The following GLIS3 variants were observed in gnomAD, a reference collection of about 807,000 sequenced individuals.
GLIS3 encodes zinc finger protein GLIS3.
A neutral mutation model predicts 78.6 loss-of-function variants in GLIS3; 53 were observed. The ratio of observed to expected loss-of-function variants is 0.67; its 90% CI spans 0.54 to 0.85. GLIS3 has a LOEUF of 0.85. GLIS3 is among the 40% of genes least tolerant of loss of function. GLIS3 has a pLI of 0.00. For missense variants in GLIS3, 1,703 were observed against 1,231.1 expected (o/e 1.38, Z -5.74); for synonymous variants, 684 against 509.9 (o/e 1.34, Z -4.60).
rs1456570482 is a variant in GLIS3, at chr9:3,879,487, C to T, written c.2237G>A (p.Ser746Asn). 2 of 1,614,062 alleles carry T rather than the reference C, an allele frequency of 1.2e-6. No homozygotes were observed. Among genetic ancestry groups the T allele is most frequent in the Admixed American group, 1.7e-5 (1 of 60,010 alleles). The stretch of plus-strand genomic sequence containing the variant: ...TAACTGGGAGGAGGGGTTGTGAGGG[C>T]TCCCCTGTACATTATGTCCTGGAGA... ...HPSPGHNVQGSPHNPSSQLPP... is the reference protein window; with the variant it reads ...HPSPGHNVQGNPHNPSSQLPP... The change falls in exon 8 of 11, where the codon AGC becomes AAC. Residue 746 changes from serine to asparagine, a missense_variant. Coordinates refer to ENST00000381971, the MANE Select transcript of GLIS3 (RefSeq NM_001042413.2).
intron 4 of GLIS3, among the ~76,000 whole-genome samples, chr9:3,990,923 C>A (rs1389973029): frequency 6.6e-6 from 1 of 152,104 alleles, no homozygotes; most frequent in African/African-American, 2.4e-5. Context: ...CAGGCCTAAC[C>A]AACCAAGGGG....
At position 4,188,961 on chromosome 9, in the gene GLIS3, T is replaced by C. The variant is rs756784219; in HGVS notation, c.389-63020A>G. Among the ~76,000 whole-genome samples, 118 of 152,198 alleles carry C rather than the reference T, an allele frequency of 7.8e-4. 2 individuals are homozygous for C. The highest frequency in any genetic ancestry group is 6.0e-4 in the Non-Finnish European group (41 of 68,046). ...TCAACAAACCAGCTCCTGGATTCAT[T>C]AATTTTCTGAAGGGTTTTTTGTATC... On this transcript the variant is annotated intron_variant, in intron 2 of 10. Coordinates refer to ENST00000381971, the MANE Select transcript of GLIS3 (RefSeq NM_001042413.2).
chr9:4,242,048 A>G (rs1427497250), intron 2 of GLIS3, among the ~76,000 whole-genome samples: 2 of 152,160 alleles, frequency 1.3e-5, no homozygotes, highest in Non-Finnish European at 2.9e-5. Flanking sequence ...TTAGAATAAA[A>G]TTATGCCATA....
chr9:4,241,764 C>T (rs1318187281), intron 2 of GLIS3, among the ~76,000 whole-genome samples: 3 of 152,146 alleles, frequency 2.0e-5, no homozygotes, highest in Non-Finnish European at 2.9e-5. Flanking sequence ...CTCACTGCAA[C>T]CCCTGCCTCC....
chr9:4,051,074 T>C (rs949256889), intron 4 of GLIS3, among the ~76,000 whole-genome samples: 4 of 152,218 alleles, frequency 2.6e-5, no homozygotes, highest in Admixed American at 6.5e-5. Flanking sequence ...AAAGCATCCA[T>C]TGATAAGCTC....
intron 9 of GLIS3, among the ~76,000 whole-genome samples, chr9:3,833,354 T>C (rs1164355409): frequency 6.6e-6 from 1 of 152,198 alleles, no homozygotes; most frequent in Non-Finnish European, 1.5e-5. Context: ...ACCAACACTT[T>C]TTAAAAAATT....
intron 2 of GLIS3, among the ~76,000 whole-genome samples, chr9:4,140,749 T>C (rs1395558830): frequency 1.3e-5 from 2 of 151,946 alleles, no homozygotes; most frequent in African/African-American, 4.8e-5. Context: ...TGCTCCTTCG[T>C]CTCAAGAGAG....
At chr9:4,156,952 C>T (rs546823166) in intron 2 of GLIS3, among the ~76,000 whole-genome samples, 1 of 152,160 alleles carries the variant, frequency 6.6e-6, no homozygotes, top group Admixed American at 6.6e-5. Flanking sequence ...CCATATCTAC[C>T]GAATCAGAAA....
intron 9 of GLIS3, among the ~76,000 whole-genome samples, chr9:3,836,980 T>G (rs961160533): frequency 1.3e-5 from 2 of 152,166 alleles, no homozygotes; most frequent in Non-Finnish European, 2.9e-5. Context: ...AATGTGCAAG[T>G]CTAGAAGTTC....
intron 4 of GLIS3, among the ~76,000 whole-genome samples, chr9:3,973,299 A>G (rs1818526418): frequency 6.6e-6 from 1 of 152,092 alleles, no homozygotes; most frequent in Non-Finnish European, 1.5e-5. Flanking sequence ...GCTCCATTGC[A>G]TCATTGATTA....
At chr9:3,848,807 C>A (rs950543707) in intron 9 of GLIS3, among the ~76,000 whole-genome samples, 2 of 152,188 alleles carry the variant, frequency 1.3e-5, no homozygotes, top group Non-Finnish European at 2.9e-5. Context: ...GGCTGGAAAC[C>A]CTTTGTTTCT....
intron 4 of GLIS3, among the ~76,000 whole-genome samples, chr9:4,015,757 C>T (rs901493712): frequency 6.6e-6 from 1 of 151,826 alleles, no homozygotes; most frequent in Non-Finnish European, 1.5e-5. Context: ...AGAGTGGTGG[C>T]GGGCGCCTGT....
intron 4 of GLIS3, among the ~76,000 whole-genome samples, chr9:4,116,810 T>C (rs1037110078): frequency 1.3e-5 from 2 of 152,226 alleles, no homozygotes; most frequent in Non-Finnish European, 2.9e-5. Flanking sequence ...TCTTAGACTT[T>C]AAATGAAATA....
intron 4 of GLIS3, among the ~76,000 whole-genome samples, chr9:4,036,944 T>C (rs1824364246): frequency 6.6e-6 from 1 of 152,110 alleles, no homozygotes; most frequent in African/African-American, 2.4e-5. Context: ...GGATTCTTAG[T>C]CCTATCGAAG....
intron 2 of GLIS3, among the ~76,000 whole-genome samples, chr9:4,259,467 G>T (rs953510092): frequency 6.6e-6 from 1 of 152,088 alleles, no homozygotes; most frequent in South Asian, 2.1e-4. Context: ...AGTTAGGGGT[G>T]GGGGAACTAA....
the GLIS3 span, among the ~76,000 whole-genome samples, chr9:4,449,365 C>T: frequency 3.9e-5 from 6 of 152,236 alleles, no homozygotes; most frequent in Admixed American, 3.3e-4. Flanking sequence ...GGCCTGCTGC[C>T]TCTGTAGACC....
At chr9:4,348,955 T>G (rs553295914), upstream of GLIS3, among the ~76,000 whole-genome samples, 130 of 152,348 alleles carry the variant, frequency 8.5e-4, no homozygotes, top group African/African-American at 2.9e-3. Context: ...AGGAAACATA[T>G]ATTACATTTG....
chr9:4,146,078 C>G (rs529068115), intron 2 of GLIS3, among the ~76,000 whole-genome samples: 2 of 152,234 alleles, frequency 1.3e-5, no homozygotes, highest in African/African-American at 4.8e-5. Flanking sequence ...GTACTTTGTT[C>G]TAAAGATACT....
chr9:4,015,846 G>A (rs1465515240), intron 4 of GLIS3, among the ~76,000 whole-genome samples: 3 of 132,232 alleles, frequency 2.3e-5, no homozygotes, highest in Non-Finnish European at 3.0e-5. Flanking sequence ...CTGAGATCAC[G>A]CCATTGCACT....
Sources: gnomAD v4.1 joint callset for allele counts (sites outside exome capture counted in the v4.1 genomes callset) on GRCh38, gnomAD v4.1.1 for gene constraint, MANE v1.5 for transcripts, NCBI Gene and HGNC (gene_info 2026-07-23, HGNC 2026-07-21) for gene names.